Variants in NEGR1 observed in about 807,000 individuals in gnomAD.
NEGR1 encodes IgLON family member 4.
Under a neutral mutation model 40.9 loss-of-function variants are expected in NEGR1, and 10 were observed. The observed-to-expected ratio is 0.24, with a 90% CI of 0.15 to 0.42. The LOEUF (loss-of-function observed/expected upper bound fraction) is 0.42. Ranked by LOEUF, NEGR1 falls within the 10% of genes least tolerant of loss-of-function variation. The pLI, the probability that NEGR1 is intolerant of heterozygous loss-of-function variation, is 1.00. For synonymous variants in NEGR1, 185 were observed against 166.8 expected (o/e 1.11, Z -0.84); for missense variants, 352 against 438.9 (o/e 0.80, Z 1.77).
Position 72,269,564 on chromosome 1 carries a change from G to A in NEGR1, c.176+12755C>T, listed in dbSNP as rs542020496. The stretch of plus-strand genomic sequence containing the variant: ...TGCATTAATAGCTGTAATAAAGTTC[G>A]GAAAATTACTCAGCTTCTATGAGGT... On this transcript the variant is annotated intron_variant, in intron 1 of 6. Transcript: ENST00000357731. Among the ~76,000 whole-genome samples, 29 of 151,748 alleles carry A rather than the reference G, an allele frequency of 1.9e-4. No individual in the cohort carries two copies. The South Asian group carries it at 4.4e-3, about 23-fold the overall frequency.
At chr1:71,482,884 G>A (rs144915826) in intron 6 of NEGR1, among the ~76,000 whole-genome samples, 46 of 151,876 alleles carry the variant, frequency 3.0e-4, no homozygotes, top group African/African-American at 1.0e-3. Context: ...AAGCACTAAC[G>A]ATGAAATTTA....
chr1:71,680,420 T>C (rs1652800679), intron 4 of NEGR1, among the ~76,000 whole-genome samples: 1 of 152,154 alleles, frequency 6.6e-6, no homozygotes, highest in Non-Finnish European at 1.5e-5. Context: ...AACCTCTTCA[T>C]ATCTGCTTTA....
intron 4 of NEGR1, among the ~76,000 whole-genome samples, chr1:71,634,415 G>A (rs1651073853): frequency 6.6e-6 from 1 of 152,110 alleles, no homozygotes; most frequent in Non-Finnish European, 1.5e-5. Context: ...TGGCTTTAAT[G>A]TGTAGGCTGC....
At chr1:72,133,200 A>C (rs1419784214) in intron 1 of NEGR1, among the ~76,000 whole-genome samples, 4 of 152,236 alleles carry the variant, frequency 2.6e-5, no homozygotes, top group African/African-American at 9.6e-5. Flanking sequence ...ATGTAGAAAA[A>C]AATTACCATA....
intron 3 of NEGR1, chr1:71,738,350 AG>A (rs995145738): frequency 4.3e-6 from 1 of 230,884 alleles, no homozygotes; most frequent in African/African-American, 2.3e-5. Context: ...AAACATCCCC[AG>A]TGACAACTGC....
intron 2 of NEGR1, among the ~76,000 whole-genome samples, chr1:71,895,165 C>T (rs1660935307): frequency 2.0e-5 from 3 of 152,094 alleles, no homozygotes; most frequent in South Asian, 4.2e-4. Flanking sequence ...ACTTATGTGC[C>T]TCTATTGTTC....
At chr1:71,739,391 T>C (rs755562544) in intron 3 of NEGR1, among the ~76,000 whole-genome samples, 2 of 151,906 alleles carry the variant, frequency 1.3e-5, no homozygotes, top group African/African-American at 2.4e-5. Flanking sequence ...GATGTTGTGA[T>C]TGTGTGAGTT....
chr1:72,267,565 T>C (rs998213272), intron 1 of NEGR1, among the ~76,000 whole-genome samples: 4 of 151,170 alleles, frequency 2.6e-5, no homozygotes, highest in Admixed American at 6.6e-5. Flanking sequence ...ATTCAGAAAA[T>C]CAACTCACCA....
intron 6 of NEGR1, among the ~76,000 whole-genome samples, chr1:71,508,505 C>T (rs573928346): frequency 6.6e-6 from 1 of 152,304 alleles, no homozygotes; most frequent in East Asian, 1.9e-4. Flanking sequence ...CAGGGGACTC[C>T]TCCCTACCCA....
At chr1:72,020,707 C>A (rs563068455) in intron 1 of NEGR1, among the ~76,000 whole-genome samples, 1 of 152,054 alleles carries the variant, frequency 6.6e-6, no homozygotes, top group Non-Finnish European at 1.5e-5. Flanking sequence ...ACCACCACCA[C>A]CAAAGTAGAG....
intron 1 of NEGR1, among the ~76,000 whole-genome samples, chr1:72,091,212 G>T (rs971181633): frequency 2.6e-5 from 4 of 152,128 alleles, no homozygotes; most frequent in African/African-American, 9.7e-5. Flanking sequence ...TGTTTGAAAT[G>T]ATATGCACTC....
chr1:71,755,558 C>G, intron 3 of NEGR1, among the ~76,000 whole-genome samples: 1 of 152,210 alleles, frequency 6.6e-6, no homozygotes, highest in East Asian at 1.9e-4. Context: ...TTAAGTCGCT[C>G]TCTTCCCCTC....
chr1:71,718,694 G>A (rs1654355412), intron 3 of NEGR1, among the ~76,000 whole-genome samples: 1 of 151,740 alleles, frequency 6.6e-6, no homozygotes, highest in African/African-American at 2.4e-5. Flanking sequence ...AAGTATCACA[G>A]GATATATAAA....
At chr1:71,430,437 T>A (rs1646458383) in intron 6 of NEGR1, among the ~76,000 whole-genome samples, 1 of 152,156 alleles carries the variant, frequency 6.6e-6, no homozygotes. Flanking sequence ...TGCTTTTATG[T>A]AAAATTAAAA....
At chr1:71,799,189 C>G (rs1657456221) in intron 2 of NEGR1, among the ~76,000 whole-genome samples, 1 of 151,974 alleles carries the variant, frequency 6.6e-6, no homozygotes, top group Admixed American at 6.6e-5. Flanking sequence ...TGCTATCCCT[C>G]CCCTAGCACT....
chr1:72,039,736 G>C (rs1169156523), intron 1 of NEGR1, among the ~76,000 whole-genome samples: 1 of 151,970 alleles, frequency 6.6e-6, no homozygotes, highest in Non-Finnish European at 1.5e-5. Flanking sequence ...TCAAGGACTA[G>C]TTTCTTGTAT....
In NEGR1 at chr1:71,907,454, C is replaced by T. The variant is rs538066771; in HGVS notation, c.409+27625G>A. Among the ~76,000 whole-genome samples the T allele has an allele frequency of 5.1e-4, 77 of 151,966 alleles. 1 individual carries two copies. Among genetic ancestry groups the T allele is most frequent in the Admixed American group, 4.1e-3 (62 of 15,248 alleles). On this transcript the variant is annotated intron_variant, in intron 2 of 6. Transcript: ENST00000357731. ...TGGGAAATGCAAATCAAAACCACAA[C>T]GAAATACTGTCTCACACCAATCTGG... is the stretch of plus-strand genomic sequence containing the variant.
chr1:71,968,775 A>G (rs1646232168), intron 1 of NEGR1, among the ~76,000 whole-genome samples: 1 of 151,968 alleles, frequency 6.6e-6, no homozygotes, highest in South Asian at 2.1e-4. Context: ...CTAAATCTAT[A>G]GGTACTCTAC....
chr1:71,513,942 C>T (rs991127624), intron 6 of NEGR1, among the ~76,000 whole-genome samples: 6 of 141,198 alleles, frequency 4.2e-5, no homozygotes, highest in Admixed American at 2.8e-4. Flanking sequence ...GTTCCCTTTC[C>T]GAGTCAAAGA....
Sources: gnomAD v4.1 joint callset for allele counts (sites outside exome capture counted in the v4.1 genomes callset) on GRCh38, gnomAD v4.1.1 for gene constraint, MANE v1.5 for transcripts, NCBI Gene and HGNC (gene_info 2026-07-23, HGNC 2026-07-21) for gene names.